Variants in SEPTIN11 observed in about 807,000 individuals in gnomAD.
SEPTIN11 encodes the protein septin-11.
SEPTIN11 carries 25 observed loss-of-function variants against 51.4 expected under a neutral mutation model. The observed-to-expected ratio is 0.49, with a 90% CI of 0.35 to 0.68. The LOEUF is 0.68. SEPTIN11 is among the 30% of genes least tolerant of loss of function. The pLI, the probability that SEPTIN11 is intolerant of heterozygous loss-of-function variation, is 0.00. For synonymous variants in SEPTIN11, 174 were observed against 184.1 expected, an observed-to-expected ratio of 0.95 and a Z score of 0.44; for missense variants, 381 against 520.8, an observed-to-expected ratio of 0.73 and a Z score of 2.61.
At chr4:77,008,983 A>G (rs1432778848) in intron 3 of SEPTIN11, among the ~76,000 whole-genome samples, 1 of 152,248 alleles carries the variant, frequency 6.6e-6, no homozygotes, top group Admixed American at 6.5e-5. Context: ...CAGATAATTC[A>G]TCTCATCTAC....
chr4:77,038,421 TTTGTC>T lies in SEPTIN11; in HGVS notation c.*3912_*3916del. ...ATATATGTAAGCTGCATGTTAGACA[TTTGTC>T]TTTTTTAAACTAAAGTAATTGTATT... On this transcript the variant is annotated 3_prime_UTR_variant, in exon 10 of 10. Transcript: ENST00000264893. 1 of 985,676 alleles carries T rather than the reference TTTGTC, an allele frequency of 1.0e-6. No homozygotes were observed. The highest frequency in any genetic ancestry group is 1.2e-6 in the Non-Finnish European group (1 of 829,766). 61.1% of individuals were successfully genotyped at this position (985,676 alleles called of 1,614,324 possible).
In SEPTIN11 at chr4:77,003,479, C is replaced by A. The variant is rs1241695395; in HGVS notation, c.143-2122C>A. 2.0e-5 allele frequency among the ~76,000 whole-genome samples: 3 copies of A among 152,172 alleles called. No homozygotes were observed. The East Asian group carries it at 5.8e-4, about 29-fold the overall frequency. On this transcript the variant is annotated intron_variant, in intron 2 of 9. Coordinates refer to ENST00000264893, the MANE Select transcript of SEPTIN11 (RefSeq NM_018243.4). ...AGGCTAGTTTCTTGAATTCTCAGAA[C>A]TTGGCACAGAACTTGTATATAGTAG...
chr4:77,021,926 A>T (rs565112177), intron 7 of SEPTIN11, among the ~76,000 whole-genome samples: 10 of 152,356 alleles, frequency 6.6e-5, no homozygotes, highest in African/African-American at 2.2e-4. Flanking sequence ...GACAAGGGGC[A>T]TACCAAGAAG....
chr4:77,028,798 AAG>A (rs1726379244), intron 8 of SEPTIN11, 37 bp downstream of exon 8: 7 of 1,581,944 alleles, frequency 4.4e-6, no homozygotes, highest in South Asian at 1.2e-5. Context: ...AAAGATTTGT[AAG>A]AGAGAGATTT....
At chr4:77,016,879 A>C (rs953563025) in intron 5 of SEPTIN11, among the ~76,000 whole-genome samples, 9 of 151,880 alleles carry the variant, frequency 5.9e-5, no homozygotes, top group African/African-American at 1.4e-4. Flanking sequence ...TAAGTAATTT[A>C]GAGATGATTT....
chr4:77,000,600 G>A (rs1724048857), intron 2 of SEPTIN11, among the ~76,000 whole-genome samples: 1 of 152,124 alleles, frequency 6.6e-6, no homozygotes. Context: ...CAAGCAAAAA[G>A]TTTAACATAC....
intron 3 of SEPTIN11, 41 bp downstream of exon 3, chr4:77,005,837 G>A: frequency 6.4e-7 from 1 of 1,552,344 alleles, no homozygotes; most frequent in Non-Finnish European, 8.8e-7. Flanking sequence ...TGGATGAGGA[G>A]ATAGCAGGAT....
Position 76,949,916 on chromosome 4 carries a change from G to A in SEPTIN11, c.13G>A (p.Val5Met). The change falls in exon 1 of 10, where the codon GTG (valine) becomes ATG (methionine). Residue 5 changes from valine (V) to methionine (M), a missense_variant. This residue lies in a region of SEPTIN11 where 184 missense variants were observed against 207.7 expected (regional missense o/e 0.89). Coordinates refer to ENST00000264893, the MANE Select transcript of SEPTIN11 (RefSeq NM_018243.4). ...TGCCGCAGCTGCGATGGCCGTGGCC[G>A]TGGGGAGACCGTCTGTGAGTGCTGG... MAVA[V>M]GRPSNEELRN... 1.3e-6 allele frequency: 2 copies of A among 1,529,218 alleles called. No individual in the cohort carries two copies. The highest frequency in any genetic ancestry group is 2.0e-5 in the Admixed American group (1 of 50,604). 94.7% of individuals were successfully genotyped at this position (1,529,218 alleles called of 1,614,324 possible).
intron 1 of SEPTIN11, among the ~76,000 whole-genome samples, chr4:76,986,978 T>A (rs1367047230): frequency 6.6e-6 from 1 of 152,220 alleles, no homozygotes; most frequent in Non-Finnish European, 1.5e-5. Context: ...TTTGTAAGGA[T>A]CTGGAAAAGC....
chr4:76,959,636 G>A (rs891242916), intron 1 of SEPTIN11, among the ~76,000 whole-genome samples: 3 of 151,994 alleles, frequency 2.0e-5, no homozygotes, highest in African/African-American at 7.3e-5. Context: ...GAGTGAATGG[G>A]GGAAATTATG....
In SEPTIN11 at chr4:76,984,782, A is replaced by T. The variant is rs1722938690; in HGVS notation, c.28-11643A>T. On this transcript the variant is annotated intron_variant, in intron 1 of 9. Coordinates refer to ENST00000264893, the MANE Select transcript of SEPTIN11 (RefSeq NM_018243.4). This position sits in a 1 kb window ranked among gnomAD's most constrained non-coding sequence, Gnocchi z 4.1. ...TGGGTGGTTTTATGCTCTGCAAGAG[A>T]CGTGATATGTCTTAAATGGAACTGG... Among the ~76,000 whole-genome samples the T allele has an allele frequency of 6.6e-6, 1 of 151,432 alleles. No individual in the cohort carries two copies. Among genetic ancestry groups the T allele is most frequent in the Non-Finnish European group, 1.5e-5 (1 of 68,030 alleles).
At chr4:77,023,269 T>TACACAC (rs61693678) in intron 7 of SEPTIN11, among the ~76,000 whole-genome samples, 26,836 of 138,972 alleles carry the variant, frequency 0.19, 2,673 homozygotes, top group East Asian at 0.37. Flanking sequence ...GGAAAATGTA[T>TACACAC]ACACACACAC....
At chr4:76,978,900 C>T (rs746864704) in intron 1 of SEPTIN11, among the ~76,000 whole-genome samples, 1 of 152,130 alleles carries the variant, frequency 6.6e-6, no homozygotes, top group Non-Finnish European at 1.5e-5. Context: ...CCCTTTTCTC[C>T]ATTTTCCAAG....
chr4:77,011,529 C>A (rs147763542), intron 3 of SEPTIN11, among the ~76,000 whole-genome samples: 1 of 100,734 alleles, frequency 9.9e-6, no homozygotes, highest in African/African-American at 4.0e-5. Flanking sequence ...GGGTGGGGGG[C>A]GGGCTGCTAC....
At chr4:76,954,744 C>T (rs1017408835) in intron 1 of SEPTIN11, among the ~76,000 whole-genome samples, 5 of 152,180 alleles carry the variant, frequency 3.3e-5, no homozygotes, top group East Asian at 1.9e-4. Context: ...TTAGGATCGA[C>T]GCCAATGAGT....
chr4:77,030,822 G>A lies in SEPTIN11; in HGVS notation c.1126G>A (p.Glu376Lys). ...KFDLLKRTHQ[E>K]EKKKVEDKKK... ...TGACCTTCTAAAGCGGACACACCAA[G>A]AAGAAAAGAAGAAAGTGGAAGACAA... Residue 376 changes from glutamate to lysine, a missense_variant, in exon 9 of 10, where the codon GAA (glutamate) becomes AAA (lysine). Physicochemically the swap from Glu to Lys is moderately conservative, Grantham distance 56 (BLOSUM62 1). Transcript: ENST00000264893. 1 of 1,608,180 alleles carries A rather than the reference G, an allele frequency of 6.2e-7. No homozygotes were observed. Among genetic ancestry groups the A allele is most frequent in the Non-Finnish European group, 8.5e-7 (1 of 1,178,862 alleles).
intron 9 of SEPTIN11, chr4:77,031,516 A>G (rs1326591445): frequency 1.3e-5 from 2 of 152,330 alleles, no homozygotes; most frequent in African/African-American, 2.4e-5. Flanking sequence ...ACCTCTGCCA[A>G]CCTCAAGCCA....
intron 3 of SEPTIN11, among the ~76,000 whole-genome samples, chr4:77,011,060 AG>A (rs1323348929): frequency 2.0e-5 from 3 of 152,218 alleles, no homozygotes; most frequent in African/African-American, 7.2e-5. Context: ...GAAGATTTTG[AG>A]TTGAAAGGAA....
At chr4:76,982,014 A>G (rs1578139605) in intron 1 of SEPTIN11, among the ~76,000 whole-genome samples, 1 of 152,312 alleles carries the variant, frequency 6.6e-6, no homozygotes, top group Middle Eastern at 3.4e-3. Flanking sequence ...TCCTGGGCAT[A>G]ATGCTCCCCA....
Sources: allele counts gnomAD v4.1 joint callset (sites outside exome capture counted in the v4.1 genomes callset), GRCh38; gene constraint gnomAD v4.1.1; regional missense constraint gnomAD v4.1.1; non-coding constraint Gnocchi (gnomAD v3.1); transcripts MANE v1.5; gene names NCBI Gene and HGNC (gene_info 2026-07-23, HGNC 2026-07-21).